Variants in SLC6A14 observed in about 807,000 individuals in gnomAD.
The protein encoded by SLC6A14 is solute carrier family 6 member 14.
Under a neutral mutation model 51.4 loss-of-function variants are expected in SLC6A14, and 21 were observed. The ratio of observed to expected loss-of-function variants is 0.41; its 90% CI spans 0.29 to 0.59. The LOEUF (loss-of-function observed/expected upper bound fraction) is 0.59. SLC6A14 is among the 20% of genes least tolerant of loss of function. SLC6A14 has a pLI of 0.31. For synonymous variants in SLC6A14, 177 were observed against 160.7 expected, an observed-to-expected ratio of 1.10 and a Z score of -0.77; for missense variants, 371 against 472.8, an observed-to-expected ratio of 0.78 and a Z score of 2.00.
chrX:116,454,890 A>G (rs1483557296), intron 10 of SLC6A14, 87 bp from the exon 11 acceptor site: 1 of 692,941 alleles, frequency 1.4e-6, no homozygotes, highest in Non-Finnish European at 2.2e-6. Flanking sequence ...ATATGTCAAG[A>G]TCAAATAAAT....
At chrX:116,450,089 T>C (rs1556694311) in intron 7 of SLC6A14, among the ~76,000 whole-genome samples, 1 of 111,310 alleles carries the variant, frequency 9.0e-6, no homozygotes, top group African/African-American at 3.3e-5. Context: ...GGCTTAGCCG[T>C]TTTTTAAAAG....
At chrX:116,436,880 T>C in intron 1 of SLC6A14, 123 bp downstream of exon 1, 1 of 587,857 alleles carries the variant, frequency 1.7e-6, no homozygotes, top group South Asian at 3.2e-5. Context: ...TGTTCAACTA[T>C]TAGGTGTGAC....
chrX:116,448,149 T>C (rs1329623362), intron 7 of SLC6A14, among the ~76,000 whole-genome samples: 2 of 112,215 alleles, frequency 1.8e-5, no homozygotes, highest in Non-Finnish European at 3.8e-5. Context: ...AAAGATTTTT[T>C]GTAAGCAGTG....
At position 116,458,948 on chromosome X, in the gene SLC6A14, C is replaced by T. The variant is rs782466358; in HGVS notation, c.1922C>T (p.Pro641Leu). ...CCTACTGTTAGTGGCAGCAGAAAAC[C>T]GGAATGAGATCTCATTGAAAAAAAT... Reference protein sequence around the residue: ...EIPTVSGSRKPE With the variant: ...EIPTVSGSRKLE Residue 641 changes from proline to leucine, a missense_variant, in exon 14 of 14, where the codon CCG becomes CTG. By Grantham distance (98) the Pro-to-Leu change is moderately conservative. Coordinates refer to ENST00000598581, the MANE Select transcript of SLC6A14 (RefSeq NM_007231.5). 5.0e-6 allele frequency: 6 copies of T among 1,190,589 alleles called. No individual in the cohort carries two copies. Among genetic ancestry groups the T allele is most frequent in the South Asian group, 3.7e-5 (2 of 53,339 alleles).
chrX:116,453,133 G>C lies in SLC6A14; in HGVS notation c.1276G>C (p.Ala426Pro). The stretch of plus-strand genomic sequence containing the variant: ...AACTTTGGGTCTCGATTCTCAGTTT[G>C]CTTCGATTGGTAAGTAATACTTCCA... Reference protein sequence around the residue: ...LLTLGLDSQFASIETITTTIQ... With the variant: ...LLTLGLDSQFPSIETITTTIQ... The change falls in exon 9 of 14, where the codon GCT becomes CCT. Residue 426 changes from alanine (A) to proline (P), a missense_variant. Physicochemically the swap from Ala to Pro is conservative, Grantham distance 27. This residue lies in a region of SLC6A14 where 277 missense variants were observed against 391.8 expected (regional missense o/e 0.71). Coordinates refer to ENST00000598581, the MANE Select transcript of SLC6A14 (RefSeq NM_007231.5). 1 of 1,197,397 alleles carries C rather than the reference G, an allele frequency of 8.4e-7. No individual in the cohort carries two copies.
At chrX:116,442,540 T>C (rs782783028) in intron 3 of SLC6A14, 147 bp from the exon 4 acceptor site, 2 of 409,200 alleles carry the variant, frequency 4.9e-6, no homozygotes, top group Non-Finnish European at 7.9e-6. Flanking sequence ...ACTAGGATTA[T>C]AGGCATGAGC....
chrX:116,438,854 A>G (rs1454148279), intron 2 of SLC6A14, among the ~76,000 whole-genome samples: 6 of 112,000 alleles, frequency 5.4e-5, no homozygotes, highest in Non-Finnish European at 1.1e-4. Flanking sequence ...TGATATTTCA[A>G]TCATATTTCT....
At chrX:116,445,505 A>AGAGAGAG (rs1556693962) in intron 6 of SLC6A14, among the ~76,000 whole-genome samples, 23 of 86,080 alleles carry the variant, frequency 2.7e-4, no homozygotes, top group East Asian at 6.7e-4. Flanking sequence ...AGAGAGAGAG[A>AGAGAGAG]AATGTGTGTG....
chrX:116,460,559 C>CTT lies in SLC6A14; in HGVS notation c.*1617_*1618dup, dbSNP rs1224657556. ...TCTGAGGGTTTTCTTTTTCTTTTTC[C>CTT]TTTTTTTTTTTTTTGGTGGGGGGCT... On this transcript the variant is annotated 3_prime_UTR_variant, in exon 14 of 14. Coordinates refer to ENST00000598581, the MANE Select transcript of SLC6A14 (RefSeq NM_007231.5). 0.083 allele frequency: 7,392 copies of CTT among 89,077 alleles called. 991 individuals carry two copies. The highest frequency in any genetic ancestry group is 0.3 in the African/African-American group (6,956 of 22,925). The allele number at this position is 89,077 out of a possible 1,213,427, so 7.3% of individuals were successfully genotyped here.
chrX:116,452,919 C>A, intron 8 of SLC6A14, 98 bp from the exon 9 acceptor site: 1 of 684,023 alleles, frequency 1.5e-6, no homozygotes, highest in East Asian at 4.0e-5. Flanking sequence ...GATTGTGTTG[C>A]CAAATAAGAT....
intron 2 of SLC6A14, among the ~76,000 whole-genome samples, chrX:116,439,168 C>G (rs1927545455): frequency 1.8e-5 from 2 of 111,124 alleles, no homozygotes; most frequent in East Asian, 5.6e-4. Context: ...CCAGTAATTG[C>G]CACAAATTTC....
chrX:116,444,314 C>G (rs1047424574), intron 5 of SLC6A14, among the ~76,000 whole-genome samples: 2 of 111,745 alleles, frequency 1.8e-5, no homozygotes, highest in Non-Finnish European at 3.8e-5. Flanking sequence ...GACTCTACTG[C>G]TAAATGACCT....
chrX:116,454,481 T>C, intron 10 of SLC6A14, 39 bp downstream of exon 10: 1 of 800,767 alleles, frequency 1.2e-6, no homozygotes, highest in Non-Finnish European at 1.9e-6. Flanking sequence ...ACATATTAGT[T>C]GGAACATACT....
chrX:116,442,579 T>A, intron 3 of SLC6A14, 108 bp from the exon 4 acceptor site: 2 of 658,220 alleles, frequency 3.0e-6, no homozygotes, highest in Non-Finnish European at 4.4e-6. Context: ...ACAGTCTTTT[T>A]TATTTTAAAA....
At chrX:116,458,783 A>G in intron 13 of SLC6A14, 26 bp from the exon 14 acceptor site, 1 of 1,154,232 alleles carries the variant, frequency 8.7e-7, no homozygotes, top group Non-Finnish European at 1.2e-6. Context: ...ATTCTAAGAC[A>G]ATGATTTTTT....
chrX:116,451,805 T>C, intron 8 of SLC6A14, 135 bp downstream of exon 8: 1 of 416,758 alleles, frequency 2.4e-6, no homozygotes, highest in South Asian at 5.3e-5. Flanking sequence ...TTTCATCTTA[T>C]ATAATTTTGT....
Position 116,454,964 on chromosome X carries a change from A to G in SLC6A14, c.1405-13A>G, listed in dbSNP as rs781946939. Reference sequence around the variant, plus strand: ...TAAAATATACTTAGAAGTAATTAACATTTTTTTGGTAGGCTGGAATTTACT... The same window carrying G: ...TAAAATATACTTAGAAGTAATTAACGTTTTTTTGGTAGGCTGGAATTTACT... On this transcript the variant is annotated splice_polypyrimidine_tract_variant and intron_variant, in intron 10 of 13. Coordinates refer to ENST00000598581, the MANE Select transcript of SLC6A14 (RefSeq NM_007231.5). 2 of 1,153,185 alleles carry G rather than the reference A, an allele frequency of 1.7e-6. No individual in the cohort carries two copies. The highest frequency in any genetic ancestry group is 6.0e-5 in the East Asian group (2 of 33,316).
rs782025454 is a variant in SLC6A14 at position 116,437,778 on chromosome X, T to A, written c.49-12T>A. 1 of 1,192,749 alleles carries A rather than the reference T, an allele frequency of 8.4e-7. No homozygotes were observed. The highest frequency in any genetic ancestry group is 1.1e-6 in the Non-Finnish European group (1 of 885,825). ...GTAGAAAGGCAAGCTGTTGATATTTTTTCTTCCCCAGAAAGTGTCGGCTTC... is the reference window on the plus strand; with the variant it reads ...GTAGAAAGGCAAGCTGTTGATATTTATTCTTCCCCAGAAAGTGTCGGCTTC... On this transcript the variant is annotated splice_polypyrimidine_tract_variant and intron_variant, in intron 1 of 13. Coordinates refer to ENST00000598581, the MANE Select transcript of SLC6A14 (RefSeq NM_007231.5).
rs190609777 is a variant in SLC6A14, at chrX:116,455,929, A to G, written c.1614+463A>G. On this transcript the variant is annotated intron_variant, in intron 12 of 13. Transcript: ENST00000598581. ...ACAGTCATATTTTAATTCATATTTTATCTCTTAATGAGGGAGGTATTTGGC... is the reference window on the plus strand; with the variant it reads ...ACAGTCATATTTTAATTCATATTTTGTCTCTTAATGAGGGAGGTATTTGGC... Among the ~76,000 whole-genome samples, 64 of 111,424 alleles carry G rather than the reference A, an allele frequency of 5.7e-4. No individual in the cohort carries two copies. In the South Asian group the frequency reaches 5.9e-3, roughly 10 times the overall value.
Sources: allele counts gnomAD v4.1 joint callset (sites outside exome capture counted in the v4.1 genomes callset), GRCh38; gene constraint gnomAD v4.1.1; regional missense constraint gnomAD v4.1.1; transcripts MANE v1.5; gene names NCBI Gene and HGNC (gene_info 2026-07-23, HGNC 2026-07-21).